Variants in RANBP2 observed in about 807,000 individuals in gnomAD.
RANBP2 encodes RAN binding protein 2.
In RANBP2, 57 loss-of-function variants were observed where a neutral mutation model predicts 303.6. The ratio of observed to expected loss-of-function variants is 0.19; its 90% CI spans 0.15 to 0.23. RANBP2 has a LOEUF of 0.23. RANBP2 is among the 10% of genes least tolerant of loss of function. The probability of loss-of-function intolerance (pLI) is 1.00; values close to 1 mark genes in which losing one functional copy is unlikely to be tolerated. For missense variants in RANBP2, 3,138 were observed against 3,780.8 expected, an observed-to-expected ratio of 0.83 and a Z score of 4.46; for synonymous variants, 1,167 against 1,301.5, an observed-to-expected ratio of 0.90 and a Z score of 2.23.
the RANBP2 span, among the ~76,000 whole-genome samples, chr2:109,666,241 C>A: frequency 7.9e-5 from 12 of 152,050 alleles, no homozygotes; most frequent in Non-Finnish European, 1.8e-4. Context: ...TTTTGGAGCA[C>A]CTTACATGAA....
chr2:109,646,389 T>C, the RANBP2 span, among the ~76,000 whole-genome samples: 1 of 152,210 alleles, frequency 6.6e-6, no homozygotes, highest in Non-Finnish European at 1.5e-5. Context: ...CTATATTAAA[T>C]GCAGACAGGC....
At chr2:108,739,341 T>C (rs1322334093) in intron 6 of RANBP2, among the ~76,000 whole-genome samples, 1 of 152,154 alleles carries the variant, frequency 6.6e-6, no homozygotes, top group Non-Finnish European at 1.5e-5. Context: ...AGTCAGAGGT[T>C]GCAGTAAGCC....
the RANBP2 span, among the ~76,000 whole-genome samples, chr2:109,605,882 T>C: frequency 6.6e-6 from 1 of 152,184 alleles, no homozygotes; most frequent in African/African-American, 2.4e-5. Context: ...GAAGAAGAGT[T>C]AGCATGACAT....
chr2:109,646,524 C>G, the RANBP2 span, among the ~76,000 whole-genome samples: 1 of 151,752 alleles, frequency 6.6e-6, no homozygotes, highest in Non-Finnish European at 1.5e-5. Context: ...TGGAGTCTTG[C>G]TCTGTCGCCC....
chr2:109,743,388 A>C, the RANBP2 span, among the ~76,000 whole-genome samples: 1 of 148,502 alleles, frequency 6.7e-6, no homozygotes, highest in South Asian at 2.2e-4. Flanking sequence ...ATAACATAGA[A>C]GAAAATCTAG....
the RANBP2 span, among the ~76,000 whole-genome samples, chr2:109,526,297 C>T: frequency 6.6e-6 from 1 of 152,090 alleles, no homozygotes; most frequent in Non-Finnish European, 1.5e-5. Flanking sequence ...CTGAGCCACT[C>T]TCACCTCCTT....
chr2:109,544,871 T>G, the RANBP2 span: 1 of 858,362 alleles, frequency 1.2e-6, no homozygotes. Context: ...TAAAGATCCA[T>G]GCCCTTGGAG....
chr2:108,782,547 A>G lies in RANBP2; in HGVS notation c.9054A>G (p.Glu3018=), dbSNP rs1678328723. 2 of 1,614,092 alleles carry G rather than the reference A, an allele frequency of 1.2e-6. No individual in the cohort carries two copies. The highest frequency in any genetic ancestry group is 1.7e-6 in the Non-Finnish European group (2 of 1,180,036). Residue 3018 remains glutamate, a synonymous_variant, in exon 28 of 29, where the codon GAA becomes GAG. Coordinates refer to ENST00000283195, the MANE Select transcript of RANBP2 (RefSeq NM_006267.5). ...TGCCAGATGGAGAAGCAAAAGTAGA[A>G]CAGCTTGCAGTGAGATTTAAAACTA... ...SDYADGEAKV[E]QLAVRFKTKE... is the part of the protein sequence containing the mutation.
chr2:109,669,076 T>C, the RANBP2 span, among the ~76,000 whole-genome samples: 1 of 152,086 alleles, frequency 6.6e-6, no homozygotes, highest in Non-Finnish European at 1.5e-5. Flanking sequence ...TACAGCTAAC[T>C]CATCTTTGAC....
the RANBP2 span, among the ~76,000 whole-genome samples, chr2:109,314,569 C>T: frequency 6.6e-6 from 1 of 152,216 alleles, no homozygotes; most frequent in African/African-American, 2.4e-5. Flanking sequence ...ATTATTCCTG[C>T]CACTTCATAA....
At chr2:109,103,996 A>G in the RANBP2 span, among the ~76,000 whole-genome samples, 2 of 151,866 alleles carry the variant, frequency 1.3e-5, no homozygotes, top group Non-Finnish European at 2.9e-5. Context: ...GGGTTTCACC[A>G]TGTTAGCCAG....
chr2:108,845,826 G>A, the RANBP2 span, among the ~76,000 whole-genome samples: 5 of 151,942 alleles, frequency 3.3e-5, no homozygotes, highest in African/African-American at 7.3e-5. Flanking sequence ...CTGCCTCGGC[G>A]TCCCAAAGTG....
chr2:109,097,519 T>C, the RANBP2 span, among the ~76,000 whole-genome samples: 1 of 152,170 alleles, frequency 6.6e-6, no homozygotes, highest in East Asian at 1.9e-4. Flanking sequence ...GCCTTTCGTA[T>C]TTAGAATTAC....
the RANBP2 span, among the ~76,000 whole-genome samples, chr2:109,711,543 G>A: frequency 6.6e-5 from 10 of 152,328 alleles, no homozygotes; most frequent in East Asian, 1.9e-3. Context: ...ACACGGTTCT[G>A]AGGCTTGCAG....
the RANBP2 span, among the ~76,000 whole-genome samples, chr2:109,328,831 T>TA: frequency 6.6e-6 from 1 of 152,224 alleles, no homozygotes; most frequent in African/African-American, 2.4e-5. Flanking sequence ...AACACAGTGT[T>TA]ATCCAGAGGT....
the RANBP2 span, chr2:109,732,895 A>G: frequency 1.1e-6 from 1 of 928,030 alleles, no homozygotes; most frequent in East Asian, 2.6e-5. Flanking sequence ...TCTGAGAACT[A>G]GATGGAAGAA....
chr2:109,435,723 C>T, the RANBP2 span, among the ~76,000 whole-genome samples: 11 of 152,226 alleles, frequency 7.2e-5, no homozygotes, highest in Non-Finnish European at 1.5e-4. Context: ...TTGTCAATAT[C>T]ACCTTGCAAA....
At chr2:109,315,223 G>A in the RANBP2 span, among the ~76,000 whole-genome samples, 2 of 152,326 alleles carry the variant, frequency 1.3e-5, no homozygotes, top group South Asian at 4.1e-4. Context: ...CCTCTGAGTG[G>A]AGAGGGCTAT....
At chr2:108,881,925 C>G in the RANBP2 span, among the ~76,000 whole-genome samples, 1 of 152,126 alleles carries the variant, frequency 6.6e-6, no homozygotes, top group Non-Finnish European at 1.5e-5. Flanking sequence ...TAGAGGATTG[C>G]TTGAGGCCAG....
Sources: allele counts gnomAD v4.1 joint callset (sites outside exome capture counted in the v4.1 genomes callset), GRCh38; gene constraint gnomAD v4.1.1; transcripts MANE v1.5; gene names NCBI Gene and HGNC (gene_info 2026-07-23, HGNC 2026-07-21).